Variants in KCTD16 observed in about 807,000 individuals in gnomAD.
KCTD16 encodes the protein potassium channel tetramerization domain containing 16, also known as BTB/POZ domain-containing protein KCTD16.
Under a neutral mutation model 33.2 loss-of-function variants are expected in KCTD16, and 13 were observed. The ratio of observed to expected loss-of-function variants is 0.39; its 90% CI spans 0.25 to 0.62. The LOEUF (loss-of-function observed/expected upper bound fraction) is 0.62. KCTD16 is among the 20% of genes least tolerant of loss of function. The pLI, the probability that KCTD16 is intolerant of heterozygous loss-of-function variation, is 0.50. For synonymous variants in KCTD16, 197 were observed against 195.3 expected (o/e 1.01, Z -0.07); for missense variants, 441 against 525.1 (o/e 0.84, Z 1.57).
chr5:144,447,066 C>G lies in KCTD16; in HGVS notation c.833-26594C>G, dbSNP rs943873251. Among the ~76,000 whole-genome samples the G allele has an allele frequency of 3.3e-5, 5 of 152,060 alleles. No individual in the cohort carries two copies. In the East Asian group the frequency reaches 9.7e-4, roughly 29 times the overall value. ...GCAATCCCATTACTGAGTATATACCCAAAGGATTAGAAATCATTCTACTAT... is the reference window on the plus strand; with the variant it reads ...GCAATCCCATTACTGAGTATATACCGAAAGGATTAGAAATCATTCTACTAT... On this transcript the variant is annotated intron_variant, in intron 3 of 3. Coordinates refer to ENST00000512467, the MANE Select transcript of KCTD16 (RefSeq NM_020768.4).
At chr5:144,465,201 C>G in intron 3 of KCTD16, among the ~76,000 whole-genome samples, 1 of 123,120 alleles carries the variant, frequency 8.1e-6, no homozygotes, top group East Asian at 3.1e-4. Context: ...CTCTCTCTCA[C>G]TCTCTCTCTC....
At chr5:144,199,706 C>CTTT in intron 2 of KCTD16, among the ~76,000 whole-genome samples, 1 of 102,452 alleles carries the variant, frequency 9.8e-6, no homozygotes, top group Non-Finnish European at 1.9e-5. Flanking sequence ...AGAACAGCTT[C>CTTT]ATTTTTTTTT....
chr5:144,383,354 T>C (rs1752255949), intron 3 of KCTD16, among the ~76,000 whole-genome samples: 1 of 152,196 alleles, frequency 6.6e-6, no homozygotes, highest in Non-Finnish European at 1.5e-5. Context: ...TGTTGAGTTA[T>C]TCACTCCCTG....
At position 144,203,941 on chromosome 5, in the gene KCTD16, T is replaced by C. The variant is rs925187697; in HGVS notation, c.-326-2448T>C. ...TAGCTTAGGGCACTAGATGGCGATA[T>C]AAGTGCATCACATAACAAACATCTT... is the stretch of plus-strand genomic sequence containing the variant. On this transcript the variant is annotated intron_variant, in intron 2 of 3. Transcript: ENST00000512467. Among the ~76,000 whole-genome samples, 5 of 152,210 alleles carry C rather than the reference T, an allele frequency of 3.3e-5. No homozygotes were observed. The East Asian group carries it at 9.6e-4, about 29-fold the overall frequency.
intron 2 of KCTD16, among the ~76,000 whole-genome samples, chr5:144,194,386 G>A (rs566702652): frequency 1.3e-5 from 2 of 152,286 alleles, no homozygotes; most frequent in East Asian, 1.9e-4. Context: ...TCAGTAGGAG[G>A]CTCTGCATCC....
At chr5:144,279,539 C>A (rs923052428) in intron 3 of KCTD16, among the ~76,000 whole-genome samples, 15 of 152,204 alleles carry the variant, frequency 9.9e-5, no homozygotes, top group African/African-American at 3.1e-4. Flanking sequence ...ACAGAAATTT[C>A]TTTCCTCGTA....
At chr5:144,471,381 T>G (rs1377570571) in intron 3 of KCTD16, among the ~76,000 whole-genome samples, 17 of 152,210 alleles carry the variant, frequency 1.1e-4, no homozygotes. Context: ...TTTAAGGTAA[T>G]AGGTGTATCC....
At chr5:144,365,298 A>C (rs1222148965) in intron 3 of KCTD16, among the ~76,000 whole-genome samples, 1 of 152,138 alleles carries the variant, frequency 6.6e-6, no homozygotes, top group African/African-American at 2.4e-5. Flanking sequence ...TAATTCATTT[A>C]TACAGTCAAG....
intron 3 of KCTD16, among the ~76,000 whole-genome samples, chr5:144,254,918 C>A (rs1289159976): frequency 6.6e-6 from 1 of 152,106 alleles, no homozygotes; most frequent in Non-Finnish European, 1.5e-5. Context: ...CATGCACTAC[C>A]ATGCCTGGCT....
At chr5:144,455,937 C>T (rs535447228) in intron 3 of KCTD16, among the ~76,000 whole-genome samples, 2 of 152,212 alleles carry the variant, frequency 1.3e-5, no homozygotes, top group South Asian at 2.1e-4. Context: ...AATGCAAATA[C>T]GATTCACAGA....
At chr5:144,246,186 A>G (rs543120285) in intron 3 of KCTD16, among the ~76,000 whole-genome samples, 1 of 152,262 alleles carries the variant, frequency 6.6e-6, no homozygotes, top group East Asian at 1.9e-4. Flanking sequence ...CCACTTTTCT[A>G]TCATTATGTT....
At chr5:144,427,008 C>A (rs116285023) in intron 3 of KCTD16, among the ~76,000 whole-genome samples, 1 of 152,094 alleles carries the variant, frequency 6.6e-6, no homozygotes, top group Non-Finnish European at 1.5e-5. Flanking sequence ...TACACTTATT[C>A]CCACTTTAGG....
intron 3 of KCTD16, among the ~76,000 whole-genome samples, chr5:144,320,707 A>G (rs1255162185): frequency 2.0e-5 from 3 of 151,682 alleles, no homozygotes; most frequent in Non-Finnish European, 4.4e-5. Flanking sequence ...GAATAATTTC[A>G]GAGCTTAGTG....
At chr5:144,224,892 C>G (rs1753880672) in intron 3 of KCTD16, among the ~76,000 whole-genome samples, 2 of 152,108 alleles carry the variant, frequency 1.3e-5, no homozygotes, top group African/African-American at 4.8e-5. Context: ...TTAACTTAAC[C>G]AAGATCATAC....
In KCTD16 at chr5:144,326,446, TATG is replaced by T. The variant is rs571821603; in HGVS notation, c.832+118903_832+118905del. Among the ~76,000 whole-genome samples the T allele has an allele frequency of 1.9e-3, 283 of 152,324 alleles. 3 individuals carry two copies. Among genetic ancestry groups the T allele is most frequent in the African/African-American group, 6.6e-3 (276 of 41,582 alleles). On this transcript the variant is annotated intron_variant, in intron 3 of 3. Transcript: ENST00000512467. ...ACCTTTTCCATTAAGTATACTAGTTTATGATAAGTTGAAATATTTTGCCATCTG... is the reference window on the plus strand; with the variant it reads ...ACCTTTTCCATTAAGTATACTAGTTTATAAGTTGAAATATTTTGCCATCTG...
chr5:144,382,744 C>T (rs1182856327), intron 3 of KCTD16, among the ~76,000 whole-genome samples: 1 of 152,180 alleles, frequency 6.6e-6, no homozygotes, highest in Non-Finnish European at 1.5e-5. Context: ...TTTAAAGCAT[C>T]TCTGGATCCA....
rs117855667 is a variant in KCTD16, at chr5:144,207,672, G to T, written c.832+126G>T. 853 of 747,046 alleles carry T rather than the reference G, an allele frequency of 1.1e-3. 14 individuals are homozygous for T. In the East Asian group the frequency reaches 0.02, roughly 18 times the overall value. 46.3% of individuals were successfully genotyped at this position (747,046 alleles called of 1,614,324 possible). ...AATTCTTTTTAACTCTTGAGTTGTA[G>T]TTAGAGGATTAGAGGTTATAATTCA... On this transcript the variant is annotated intron_variant, in intron 3 of 3. Coordinates refer to ENST00000512467, the MANE Select transcript of KCTD16 (RefSeq NM_020768.4).
chr5:144,279,362 A>G (rs536814456), intron 3 of KCTD16, among the ~76,000 whole-genome samples: 1 of 152,342 alleles, frequency 6.6e-6, no homozygotes, highest in African/African-American at 2.4e-5. Context: ...AAAAGTGGAT[A>G]TCCTTACCTT....
At chr5:144,325,541 C>G (rs1476856362) in intron 3 of KCTD16, among the ~76,000 whole-genome samples, 1 of 152,154 alleles carries the variant, frequency 6.6e-6, no homozygotes, top group African/African-American at 2.4e-5. Flanking sequence ...ATGTGCTCTC[C>G]CAGTTCTGGG....
Sources: allele counts gnomAD v4.1 joint callset (sites outside exome capture counted in the v4.1 genomes callset), GRCh38; gene constraint gnomAD v4.1.1; transcripts MANE v1.5; gene names NCBI Gene and HGNC (gene_info 2026-07-23, HGNC 2026-07-21).